The following MAP3K7 variants were observed in gnomAD, a reference collection of about 807,000 sequenced individuals.
The protein encoded by MAP3K7 is mitogen-activated protein kinase kinase kinase 7.
Under a neutral mutation model 84.8 loss-of-function variants are expected in MAP3K7, and 21 were observed. The observed-to-expected ratio is 0.25, with a 90% CI of 0.18 to 0.36. The LOEUF is 0.36. Among genes scored for constraint, MAP3K7 ranks in the 10% least tolerant of loss-of-function variants. The pLI is 1.00. For missense variants in MAP3K7, 503 were observed against 747.7 expected (o/e 0.67, Z 3.82); for synonymous variants, 241 against 247.7 (o/e 0.97, Z 0.25).
intron 3 of MAP3K7, among the ~76,000 whole-genome samples, chr6:90,563,108 C>A (rs568874204): frequency 1.3e-5 from 2 of 152,290 alleles, no homozygotes; most frequent in Admixed American, 6.5e-5. Flanking sequence ...TAGATAAAAA[C>A]CACAAAAATG....
chr6:90,556,115 T>A (rs909457787), intron 6 of MAP3K7, among the ~76,000 whole-genome samples: 1 of 152,226 alleles, frequency 6.6e-6, no homozygotes, highest in Non-Finnish European at 1.5e-5. Flanking sequence ...GCTGGAAGCA[T>A]GCGTTAGATG....
chr6:90,514,738 A>G lies in MAP3K7; in HGVS notation c.*1763T>C, dbSNP rs1162257594. 1 of 152,022 alleles carries G rather than the reference A, an allele frequency of 6.6e-6. No individual in the cohort carries two copies. Among genetic ancestry groups the G allele is most frequent in the Non-Finnish European group, 1.5e-5 (1 of 67,932 alleles). 9.4% of individuals were successfully genotyped at this position (152,022 alleles called of 1,614,324 possible). On this transcript the variant is annotated 3_prime_UTR_variant, in exon 17 of 17. Coordinates refer to ENST00000369329, the MANE Select transcript of MAP3K7 (RefSeq NM_145331.3). ...GGAGTGACAGATGTACATACAAGCA[A>G]CAATGCTATGGAGGAGTCATGCTTT...
At chr6:90,535,236 T>C (rs545272939) in intron 13 of MAP3K7, among the ~76,000 whole-genome samples, 9 of 152,108 alleles carry the variant, frequency 5.9e-5, no homozygotes, top group African/African-American at 2.2e-4. Context: ...TATAAAAGAC[T>C]TTTTTATTAA....
chr6:90,565,064 T>C (rs1383834748), intron 3 of MAP3K7, among the ~76,000 whole-genome samples: 1 of 152,154 alleles, frequency 6.6e-6, no homozygotes, highest in Non-Finnish European at 1.5e-5. Flanking sequence ...AAGCAGTGTG[T>C]AGAGGGAAAT....
At chr6:90,549,068 A>G (rs1010638147) in intron 9 of MAP3K7, among the ~76,000 whole-genome samples, 2 of 152,134 alleles carry the variant, frequency 1.3e-5, no homozygotes, top group Non-Finnish European at 2.9e-5. Context: ...TAGAAAGCTA[A>G]AACTGATGAT....
chr6:90,556,627 G>GT lies in MAP3K7; in HGVS notation c.483-4dup, dbSNP rs749740586. ...TCCCCCCTGCAACCAGCAGTAAGCTGTTTAAAAAAAAACAAAAAACATCAA... is the reference window on the plus strand; with the variant it reads ...TCCCCCCTGCAACCAGCAGTAAGCTGTTTTAAAAAAAAACAAAAAACATCAA... On this transcript the variant is annotated splice_region_variant and splice_polypyrimidine_tract_variant and intron_variant, in intron 5 of 16. Coordinates refer to ENST00000369329, the MANE Select transcript of MAP3K7 (RefSeq NM_145331.3). 3.9e-6 allele frequency: 6 copies of GT among 1,543,336 alleles called. No homozygotes were observed. The South Asian group carries it at 4.9e-5, about 13-fold the overall frequency.
intron 1 of MAP3K7, among the ~76,000 whole-genome samples, chr6:90,578,198 G>C (rs1053111832): frequency 3.3e-5 from 5 of 152,192 alleles, no homozygotes; most frequent in African/African-American, 1.2e-4. Context: ...GTAGTTTATA[G>C]AAAAATAGTT....
chr6:90,562,244 C>T (rs544446264), intron 3 of MAP3K7, among the ~76,000 whole-genome samples: 1 of 152,252 alleles, frequency 6.6e-6, no homozygotes, highest in South Asian at 2.1e-4. Flanking sequence ...GTGGGTGCAG[C>T]CCATGGAGTG....
intron 13 of MAP3K7, among the ~76,000 whole-genome samples, chr6:90,524,756 A>C (rs776361417): frequency 1.3e-5 from 2 of 152,208 alleles, no homozygotes; most frequent in Non-Finnish European, 2.9e-5. Flanking sequence ...GAAAACATTC[A>C]GTGACAGAAA....
chr6:90,543,863 C>A (rs1775924550), intron 12 of MAP3K7, among the ~76,000 whole-genome samples: 1 of 151,960 alleles, frequency 6.6e-6, no homozygotes, highest in Non-Finnish European at 1.5e-5. Context: ...ATGAAATGAT[C>A]ACCATAAGAA....
At chr6:90,574,842 G>A (rs1777020547) in intron 1 of MAP3K7, among the ~76,000 whole-genome samples, 2 of 152,098 alleles carry the variant, frequency 1.3e-5, no homozygotes, top group South Asian at 4.1e-4. Context: ...TCTCCTTTTT[G>A]CTCAAGAAAG....
At chr6:90,571,927 A>C (rs546477593) in intron 1 of MAP3K7, 120 bp from the exon 2 acceptor site, 228 of 499,806 alleles carry the variant, frequency 4.6e-4, no homozygotes, top group African/African-American at 4.0e-3. Context: ...AAAAAAAAAA[A>C]AACATGGAAA....
chr6:90,556,249 A>T (rs928194076), intron 6 of MAP3K7, among the ~76,000 whole-genome samples: 1 of 152,272 alleles, frequency 6.6e-6, no homozygotes, highest in Non-Finnish European at 1.5e-5. Context: ...GTTAGCAAAT[A>T]GGCAATTTTG....
At chr6:90,557,377 T>C (rs2127977212) in intron 5 of MAP3K7, among the ~76,000 whole-genome samples, 1 of 152,320 alleles carries the variant, frequency 6.6e-6, no homozygotes, top group East Asian at 1.9e-4. Flanking sequence ...TAGGAATTCA[T>C]TTTAATTACA....
intron 5 of MAP3K7, among the ~76,000 whole-genome samples, chr6:90,559,251 G>C (rs1776430013): frequency 6.6e-6 from 1 of 152,124 alleles, no homozygotes; most frequent in African/African-American, 2.4e-5. Context: ...TTAGACCTGA[G>C]AGTGACAAGT....
At chr6:90,559,931 G>T in intron 5 of MAP3K7, 145 bp downstream of exon 5, 1 of 797,414 alleles carries the variant, frequency 1.3e-6, no homozygotes, top group Non-Finnish European at 2.0e-6. Flanking sequence ...ATGAAGGTGA[G>T]TTAAAAGTAA....
rs3799911 is a variant in MAP3K7, at chr6:90,539,053, A to T, written c.1292-2652T>A. Among the ~76,000 whole-genome samples the T allele has an allele frequency of 2.6e-4, 40 of 151,998 alleles. No homozygotes were observed. In the East Asian group the frequency reaches 7.4e-3, roughly 28 times the overall value. ...TTCATGTGTAAAATACCCAAGATTTAAAAAAATGCATAGCATGATACACTA... is the reference window on the plus strand; with the variant it reads ...TTCATGTGTAAAATACCCAAGATTTTAAAAAATGCATAGCATGATACACTA... On this transcript the variant is annotated intron_variant, in intron 12 of 16. Transcript: ENST00000369329.
intron 1 of MAP3K7, among the ~76,000 whole-genome samples, chr6:90,575,841 C>T (rs1777057412): frequency 6.6e-6 from 1 of 152,018 alleles, no homozygotes; most frequent in South Asian, 2.1e-4. Context: ...TTTGTTTACT[C>T]CTTAAACCAA....
At chr6:90,532,004 T>C (rs1775524762) in intron 13 of MAP3K7, among the ~76,000 whole-genome samples, 2 of 150,274 alleles carry the variant, frequency 1.3e-5, no homozygotes, top group Admixed American at 1.3e-4. Flanking sequence ...AATAGAAAGG[T>C]ATACTATGAA....
Sources: allele counts gnomAD v4.1 joint callset (sites outside exome capture counted in the v4.1 genomes callset), GRCh38; gene constraint gnomAD v4.1.1; transcripts MANE v1.5; gene names NCBI Gene and HGNC (gene_info 2026-07-23, HGNC 2026-07-21).